Variants in OPN5 observed in about 807,000 individuals in gnomAD.
OPN5 encodes opsin-5.
In OPN5, 18 loss-of-function variants were observed where a neutral mutation model predicts 41.7. The ratio of observed to expected loss-of-function variants is 0.43; its 90% confidence interval spans 0.30 to 0.64. The LOEUF is 0.64. Among genes scored for constraint, OPN5 ranks in the 30% least tolerant of loss-of-function variants. The probability of loss-of-function intolerance (pLI) is 0.13; values close to 1 mark genes in which losing one functional copy is unlikely to be tolerated. For missense variants in OPN5, 318 were observed against 434.5 expected, an observed-to-expected ratio of 0.73 and a Z score of 2.38; for synonymous variants, 178 against 164.3, an observed-to-expected ratio of 1.08 and a Z score of -0.64.
rs1263406351 is a variant in OPN5 at position 47,786,703 on chromosome 6, C to G, written c.250+69C>G. On this transcript the variant is annotated intron_variant, in intron 2 of 6. Coordinates refer to ENST00000371211, the Ensembl canonical transcript of OPN5. ...CCCCATTCTAAAGTACTCACTGTCT[C>G]AAACGTCACCCCCTGACATCTCTTC... 3.7e-5 allele frequency: 50 copies of G among 1,338,928 alleles called. No homozygotes were observed. In the South Asian group the frequency reaches 6.0e-4, roughly 16 times the overall value. The allele number at this position is 1,338,928 out of a possible 1,614,324, so 82.9% of individuals were successfully genotyped here. A position where few individuals can be genotyped will look rare whatever the true frequency, so the allele number is the denominator to read the frequency against.
At chr6:47,784,319 T>G (rs1258192415) in intron 1 of OPN5, among the ~76,000 whole-genome samples, 3 of 150,396 alleles carry the variant, frequency 2.0e-5, no homozygotes, top group Non-Finnish European at 4.4e-5. Context: ...TTTTTGGACA[T>G]AGAGTCTCAC....
chr6:47,791,461 G>A (rs963737247), intron 2 of OPN5, among the ~76,000 whole-genome samples: 4 of 152,164 alleles, frequency 2.6e-5, no homozygotes, highest in South Asian at 2.1e-4. Context: ...TGACCAGATC[G>A]TTGTCACTGG....
rs1318424227 is a variant in OPN5 at position 47,823,979 on chromosome 6, A to G, written c.1057-4A>G. 1.5e-5 allele frequency: 24 copies of G among 1,550,136 alleles called. No homozygotes were observed. The highest frequency in any genetic ancestry group is 2.0e-5 in the Admixed American group (1 of 50,990). ...CCTAAAACTCAATTTTTTCTTCTCT[A>G]CAGTGGGAATAACAAATGTTCTGGT... On this transcript the variant is annotated splice_polypyrimidine_tract_variant and splice_region_variant and intron_variant, in intron 6 of 6. Coordinates refer to ENST00000371211, the Ensembl canonical transcript of OPN5.
At chr6:47,782,471 G>A (rs1773113118) in intron 1 of OPN5, among the ~76,000 whole-genome samples, 2 of 152,142 alleles carry the variant, frequency 1.3e-5, no homozygotes, top group Admixed American at 6.5e-5. Flanking sequence ...TACTTTGGGA[G>A]TAGATTTACT....
At position 47,811,656 on chromosome 6, in the gene OPN5, T is replaced by C; in HGVS notation, c.999-18T>C. The C allele has an allele frequency of 6.3e-7, 1 of 1,597,516 alleles. No homozygotes were observed. The highest frequency in any genetic ancestry group is 1.1e-5 in the South Asian group (1 of 90,640). ...TATATGTAGATATTAAATTGCATTT[T>C]TCTTCTCCTATATCTAGGCTGCACA... On this transcript the variant is annotated intron_variant, in intron 5 of 6. Transcript: ENST00000371211.
chr6:47,825,825 G>C (rs1322308166), downstream of OPN5: 1 of 152,166 alleles, frequency 6.6e-6, no homozygotes, highest in Non-Finnish European at 1.5e-5. Flanking sequence ...GGATGACCCA[G>C]TTGGGTTCTC....
exon 7 of OPN5, chr6:47,824,001 T>C: frequency 6.5e-7 from 1 of 1,549,588 alleles, no homozygotes; most frequent in Non-Finnish European, 8.7e-7. Context: ...ACAAATGTTC[T>C]GGTTGTGAAG....
chr6:47,817,550 T>C (rs1762467978), intron 6 of OPN5, among the ~76,000 whole-genome samples: 1 of 152,112 alleles, frequency 6.6e-6, no homozygotes, highest in African/African-American at 2.4e-5. Flanking sequence ...GACCCAGAGC[T>C]TGGGTATCTC....
chr6:47,817,249 A>C (rs981161183), intron 6 of OPN5, among the ~76,000 whole-genome samples: 1 of 152,010 alleles, frequency 6.6e-6, no homozygotes, highest in African/African-American at 2.4e-5. Flanking sequence ...AAGGGTTGAG[A>C]TATTCAGCCT....
At chr6:47,816,215 T>A (rs1762426332) in intron 6 of OPN5, among the ~76,000 whole-genome samples, 1 of 152,178 alleles carries the variant, frequency 6.6e-6, no homozygotes, top group South Asian at 2.1e-4. Flanking sequence ...GGGGAGGATG[T>A]GTTTTTAGTT....
At chr6:47,790,052 C>G (rs905812260) in intron 2 of OPN5, among the ~76,000 whole-genome samples, 2 of 151,992 alleles carry the variant, frequency 1.3e-5, no homozygotes, top group African/African-American at 4.8e-5. Flanking sequence ...AAATCTGGAT[C>G]TGGTTGTAAA....
rs139386837 is a variant in OPN5 at position 47,810,304 on chromosome 6, C to A, written c.999-1370C>A. 3.3e-5 allele frequency among the ~76,000 whole-genome samples: 5 copies of A among 152,212 alleles called. No individual in the cohort carries two copies. In the East Asian group the frequency reaches 9.6e-4, roughly 29 times the overall value. ...AAGGAATGCTGAAGAGATATTGAGT[C>A]GTAGATTTTAGAAGGGGCTGCTTCA... On this transcript the variant is annotated intron_variant, in intron 5 of 6. Transcript: ENST00000371211.
At chr6:47,808,111 A>T (rs199624406) in intron 4 of OPN5, 43 bp from the exon 5 acceptor site, 16 of 1,609,132 alleles carry the variant, frequency 9.9e-6, no homozygotes, top group Non-Finnish European at 1.4e-5. Flanking sequence ...CATGTCCTTT[A>T]TCAGTCATCT....
chr6:47,824,111 C>A, exon 7 of OPN5: 1 of 765,488 alleles, frequency 1.3e-6, no homozygotes, highest in South Asian at 1.6e-5. Flanking sequence ...CTTACCCTGT[C>A]AGGAAAAAAT....
At chr6:47,811,098 C>G (rs943395796) in intron 5 of OPN5, among the ~76,000 whole-genome samples, 2 of 152,116 alleles carry the variant, frequency 1.3e-5, no homozygotes, top group African/African-American at 4.8e-5. Context: ...CCAGTGAGGC[C>G]ACCTATGGGC....
At chr6:47,802,604 A>G (rs529391905) in intron 4 of OPN5, among the ~76,000 whole-genome samples, 1 of 152,292 alleles carries the variant, frequency 6.6e-6, no homozygotes, top group Non-Finnish European at 1.5e-5. Flanking sequence ...GGCAATGGCT[A>G]TTGTTACTAG....
chr6:47,818,151 A>T (rs1168974463), intron 6 of OPN5, among the ~76,000 whole-genome samples: 1 of 152,190 alleles, frequency 6.6e-6, no homozygotes, highest in African/African-American at 2.4e-5. Flanking sequence ...CGCCCGATCC[A>T]CATATATACA....
intron 6 of OPN5, among the ~76,000 whole-genome samples, chr6:47,818,694 C>T (rs1164171045): frequency 1.3e-5 from 2 of 152,120 alleles, no homozygotes; most frequent in Non-Finnish European, 2.9e-5. Context: ...ATGACCCTAC[C>T]CACCTATTTT....
At chr6:47,784,621 T>C (rs1426861847) in intron 1 of OPN5, among the ~76,000 whole-genome samples, 1 of 152,024 alleles carries the variant, frequency 6.6e-6, no homozygotes, top group Non-Finnish European at 1.5e-5. Flanking sequence ...CCAGATTGCT[T>C]TTAAGGAGCC....
Sources: gnomAD v4.1 joint callset for allele counts (sites outside exome capture counted in the v4.1 genomes callset) on GRCh38, gnomAD v4.1.1 for gene constraint, MANE v1.5 for transcripts, NCBI Gene and HGNC (gene_info 2026-07-23, HGNC 2026-07-21) for gene names.